The following ZNF618 variants were observed in gnomAD, a reference collection of about 807,000 sequenced individuals.
ZNF618 encodes neural precursor cell expressed, developmentally down-regulated 10.
A neutral mutation model predicts 103.0 loss-of-function variants in ZNF618; 34 were observed. The observed-to-expected ratio is 0.33, with a 90% CI of 0.25 to 0.44. ZNF618 has a LOEUF of 0.44. Ranked by LOEUF, ZNF618 falls within the 20% of genes least tolerant of loss-of-function variation. The probability of loss-of-function intolerance (pLI) is 1.00; values close to 1 mark genes in which losing one functional copy is unlikely to be tolerated. For missense variants in ZNF618, 1,059 were observed against 1,295.4 expected, an observed-to-expected ratio of 0.82 and a Z score of 2.80; for synonymous variants, 551 against 542.2, an observed-to-expected ratio of 1.02 and a Z score of -0.23.
intron 2 of ZNF618, among the ~76,000 whole-genome samples, chr9:113,985,868 A>G (rs538850277): frequency 6.6e-6 from 1 of 152,360 alleles, no homozygotes; most frequent in Admixed American, 6.5e-5. Context: ...AGTCATTGCT[A>G]AGGATGAAAG....
chr9:114,015,703 G>A (rs952986630), intron 9 of ZNF618, among the ~76,000 whole-genome samples: 1 of 152,192 alleles, frequency 6.6e-6, no homozygotes, highest in Non-Finnish European at 1.5e-5. Context: ...ATGAGTCACA[G>A]CATTTTTCTT....
At position 114,051,551 on chromosome 9, in the gene ZNF618, A is replaced by ACCTGC. The variant is rs1846134179; in HGVS notation, c.*1386_*1390dup. On this transcript the variant is annotated 3_prime_UTR_variant, in exon 15 of 15. Coordinates refer to ENST00000374126, the MANE Select transcript of ZNF618 (RefSeq NM_001318042.2). Reference sequence around the variant, plus strand: ...CATAGTCACATCCACCACACCTCAGACCTGCCACAGCCTCTCCTCACTTCC... The same window carrying ACCTGC: ...CATAGTCACATCCACCACACCTCAGACCTGCCCTGCCACAGCCTCTCCTCACTTCC... The ACCTGC allele has an allele frequency of 6.5e-6, 1 of 152,804 alleles. No homozygotes were observed. The highest frequency in any genetic ancestry group is 1.5e-5 in the Non-Finnish European group (1 of 68,458). The allele number at this position is 152,804 out of a possible 1,614,324, so 9.5% of individuals were successfully genotyped here.
Position 113,926,553 on chromosome 9 carries a change from T to C in ZNF618, c.34-42564T>C, listed in dbSNP as rs540875706. Among the ~76,000 whole-genome samples the C allele has an allele frequency of 5.9e-5, 9 of 152,320 alleles. No individual in the cohort carries two copies. In the South Asian group the frequency reaches 1.9e-3, roughly 32 times the overall value. On this transcript the variant is annotated intron_variant, in intron 1 of 14. Coordinates refer to ENST00000374126, the MANE Select transcript of ZNF618 (RefSeq NM_001318042.2). Reference sequence around the variant, plus strand: ...CTCACAGTTTTTGGATATTTGGCTCTATTTTTTACACTCTTTTTTCTCTGT... The same window carrying C: ...CTCACAGTTTTTGGATATTTGGCTCCATTTTTTACACTCTTTTTTCTCTGT...
At chr9:114,008,911 C>T (rs1330498642) in intron 9 of ZNF618, among the ~76,000 whole-genome samples, 1 of 152,298 alleles carries the variant, frequency 6.6e-6, no homozygotes, top group South Asian at 2.1e-4. Context: ...AAATGAGATC[C>T]TGGATGTGAA....
chr9:113,960,373 C>T (rs117383783), intron 1 of ZNF618, among the ~76,000 whole-genome samples: 9 of 152,338 alleles, frequency 5.9e-5, no homozygotes, highest in Non-Finnish European at 1.0e-4. Flanking sequence ...GCCTGACTTA[C>T]AGGACTTACT....
At chr9:114,022,370 A>G (rs1843145170) in intron 10 of ZNF618, among the ~76,000 whole-genome samples, 1 of 152,092 alleles carries the variant, frequency 6.6e-6, no homozygotes, top group African/African-American at 2.4e-5. Context: ...ATACAATTCA[A>G]CAGTTAAGCT....
intron 1 of ZNF618, among the ~76,000 whole-genome samples, chr9:113,943,194 C>G (rs1834705212): frequency 6.6e-6 from 1 of 152,204 alleles, no homozygotes; most frequent in Admixed American, 6.5e-5. Context: ...GGATGCCATC[C>G]TTGCTCTCCA....
At chr9:114,047,708 T>C (rs1845780585) in intron 13 of ZNF618, among the ~76,000 whole-genome samples, 185 bp from the exon 14 acceptor site, 1 of 152,222 alleles carries the variant, frequency 6.6e-6, no homozygotes, top group Non-Finnish European at 1.5e-5. Context: ...CCTTAGTTTT[T>C]CTAAATGATG....
intron 1 of ZNF618, among the ~76,000 whole-genome samples, chr9:113,951,515 G>GTGCACA (rs1564207712): frequency 2.7e-5 from 1 of 36,752 alleles, no homozygotes; most frequent in African/African-American, 7.6e-5. Flanking sequence ...ATATATGTGT[G>GTGCACA]TATATGTACA....
At chr9:113,951,493 G>GTGCACATATACGTGTA (rs1434814780) in intron 1 of ZNF618, among the ~76,000 whole-genome samples, 1 of 51,260 alleles carries the variant, frequency 2.0e-5, no homozygotes, top group African/African-American at 6.4e-5. Flanking sequence ...ATATATGTGT[G>GTGCACATATACGTGTA]TATGTGTACA....
At chr9:113,886,749 G>A (rs7865723) in intron 1 of ZNF618, among the ~76,000 whole-genome samples, 53 of 152,148 alleles carry the variant, frequency 3.5e-4, no homozygotes, top group African/African-American at 1.1e-3. Context: ...TAGCATCTAA[G>A]CCTGTGCCAT....
intron 2 of ZNF618, among the ~76,000 whole-genome samples, chr9:113,974,744 C>A (rs2132968377): frequency 1.3e-5 from 2 of 152,250 alleles, no homozygotes; most frequent in South Asian, 4.1e-4. Flanking sequence ...CCCCCCTGCA[C>A]CCCCTGCCTG....
intron 1 of ZNF618, among the ~76,000 whole-genome samples, chr9:113,931,190 A>G (rs1242857802): frequency 6.6e-6 from 1 of 152,362 alleles, no homozygotes; most frequent in East Asian, 1.9e-4. Flanking sequence ...CTGATTGCCA[A>G]GGAGCCACCT....
chr9:113,885,953 C>T (rs980442159), intron 1 of ZNF618, among the ~76,000 whole-genome samples: 4 of 152,140 alleles, frequency 2.6e-5, no homozygotes, highest in African/African-American at 7.2e-5. Context: ...GCTTGGCCCC[C>T]CAGTCTGCTA....
chr9:114,009,056 C>A (rs1365328950), intron 9 of ZNF618, among the ~76,000 whole-genome samples: 1 of 152,208 alleles, frequency 6.6e-6, no homozygotes, highest in East Asian at 1.9e-4. Flanking sequence ...TCCCAGGACA[C>A]CCCTTGAGGG....
chr9:113,882,539 C>G (rs935063610), intron 1 of ZNF618, among the ~76,000 whole-genome samples: 1 of 152,300 alleles, frequency 6.6e-6, no homozygotes, highest in Non-Finnish European at 1.5e-5. Flanking sequence ...TCCTGGAAAC[C>G]TGGTGGCTTA....
At chr9:113,892,699 A>G (rs1474456225) in intron 1 of ZNF618, among the ~76,000 whole-genome samples, 1 of 152,216 alleles carries the variant, frequency 6.6e-6, no homozygotes, top group Non-Finnish European at 1.5e-5. Context: ...CAGAAATTAT[A>G]CATTTCTTCT....
chr9:113,967,246 C>G lies in ZNF618; in HGVS notation c.34-1871C>G, dbSNP rs139980083. ...TTCTGCTGCTTATGATACAAACATT[C>G]AAACAAATTCAGCCTGTTTGCTTTG... On this transcript the variant is annotated intron_variant, in intron 1 of 14. Coordinates refer to ENST00000374126, the MANE Select transcript of ZNF618 (RefSeq NM_001318042.2). Among the ~76,000 whole-genome samples the G allele has an allele frequency of 6.5e-3, 992 of 152,312 alleles. 9 individuals are homozygous for G. The highest frequency in any genetic ancestry group is 0.021 in the African/African-American group (889 of 41,568).
chr9:113,876,309 A>C lies in ZNF618; in HGVS notation c.-72A>C. The C allele has an allele frequency of 4.0e-6, 4 of 1,005,698 alleles. No homozygotes were observed. Among genetic ancestry groups the C allele is most frequent in the Non-Finnish European group, 4.8e-6 (4 of 828,516 alleles). 62.3% of individuals were successfully genotyped at this position (1,005,698 alleles called of 1,614,324 possible). A position where few individuals can be genotyped will look rare whatever the true frequency, so the allele number is the denominator to read the frequency against. ...CGGCGGCGGCGGCGGCGGCGGCGGC[A>C]TTGTGCGCGCACCAGCAGCCCGGCC... On this transcript the variant is annotated 5_prime_UTR_variant, in exon 1 of 15. Coordinates refer to ENST00000374126, the MANE Select transcript of ZNF618 (RefSeq NM_001318042.2).
Sources: allele counts gnomAD v4.1 joint callset (sites outside exome capture counted in the v4.1 genomes callset), GRCh38; gene constraint gnomAD v4.1.1; transcripts MANE v1.5; gene names NCBI Gene and HGNC (gene_info 2026-07-23, HGNC 2026-07-21).